The following AAK1 variants were observed in gnomAD, a reference collection of about 807,000 sequenced individuals.
AAK1 encodes the protein AP2-associated protein kinase 1.
AAK1 carries 37 observed loss-of-function variants against 116.0 expected under a neutral mutation model. The ratio of observed to expected loss-of-function variants is 0.32; its 90% confidence interval spans 0.25 to 0.42. The LOEUF (loss-of-function observed/expected upper bound fraction) is 0.42, where lower values mean the gene tolerates loss of function less well. Ranked by LOEUF, AAK1 falls within the 10% of genes least tolerant of loss-of-function variation. The pLI, the probability that AAK1 is intolerant of heterozygous loss-of-function variation, is 1.00. For missense variants in AAK1, 919 were observed against 1,170.6 expected (o/e 0.79, Z 3.14); for synonymous variants, 458 against 439.9 (o/e 1.04, Z -0.51).
chr2:69,556,352 T>C (rs1461701210), intron 3 of AAK1, among the ~76,000 whole-genome samples: 2 of 152,196 alleles, frequency 1.3e-5, no homozygotes, highest in African/African-American at 2.4e-5. Context: ...ATGAGGTTTC[T>C]AGGTTTTGGT....
intron 16 of AAK1, among the ~76,000 whole-genome samples, chr2:69,501,967 T>A (rs747727546): frequency 6.6e-6 from 1 of 151,440 alleles, no homozygotes; most frequent in African/African-American, 2.4e-5. Flanking sequence ...CGAGACACCA[T>A]CTCACACAAA....
Position 69,472,947 on chromosome 2 carries a change from T to C in AAK1, c.*2922A>G. On this transcript the variant is annotated 3_prime_UTR_variant, in exon 22 of 22. Coordinates refer to ENST00000409085, the MANE Select transcript of AAK1 (RefSeq NM_014911.5). Reference sequence around the variant, plus strand: ...TTAGTAAAAGCCCATTATAATTCTTTAAAATGTAAACACTGCTACCGTAAT... The same window carrying C: ...TTAGTAAAAGCCCATTATAATTCTTCAAAATGTAAACACTGCTACCGTAAT... The C allele has an allele frequency of 1.0e-6, 1 of 985,640 alleles. No homozygotes were observed. Among genetic ancestry groups the C allele is most frequent in the African/African-American group, 1.7e-5 (1 of 57,362 alleles). The allele number at this position is 985,640 out of a possible 1,614,324, so 61.1% of individuals were successfully genotyped here. A position where few individuals can be genotyped will look rare whatever the true frequency, so the allele number is the denominator to read the frequency against.
chr2:69,548,104 C>T (rs1204230991), intron 3 of AAK1, among the ~76,000 whole-genome samples: 2 of 152,098 alleles, frequency 1.3e-5, no homozygotes, highest in Middle Eastern at 3.2e-3. Flanking sequence ...TAAGGAAAGA[C>T]TGCTAACAGG....
intron 2 of AAK1, among the ~76,000 whole-genome samples, chr2:69,578,419 C>T (rs1672403112): frequency 6.6e-6 from 1 of 152,196 alleles, no homozygotes; most frequent in African/African-American, 2.4e-5. Flanking sequence ...CAATGAGATC[C>T]TGCTTGCAGG....
intron 17 of AAK1, among the ~76,000 whole-genome samples, chr2:69,495,573 C>T (rs1675705083): frequency 1.3e-5 from 2 of 152,132 alleles, no homozygotes; most frequent in Non-Finnish European, 2.9e-5. Flanking sequence ...AACTGAACAG[C>T]AGTCACCCAC....
At chr2:69,496,710 A>G (rs186302073) in intron 16 of AAK1, among the ~76,000 whole-genome samples, 97 of 152,292 alleles carry the variant, frequency 6.4e-4, no homozygotes, top group Non-Finnish European at 1.3e-3. Context: ...TCCATATCAC[A>G]CATTTTAGCA....
chr2:69,465,205 T>C lies in AAK1; in HGVS notation c.*10664A>G. On this transcript the variant is annotated 3_prime_UTR_variant, in exon 22 of 22. Coordinates refer to ENST00000409085, the MANE Select transcript of AAK1 (RefSeq NM_014911.5). ...ATGCCTCCAAGTCCAGAAATCAATATAAACAAACAAACAAACAAACAAAAA... is the reference window on the plus strand; with the variant it reads ...ATGCCTCCAAGTCCAGAAATCAATACAAACAAACAAACAAACAAACAAAAA... 1 of 340,138 alleles carries C rather than the reference T, an allele frequency of 2.9e-6. No individual in the cohort carries two copies. The highest frequency in any genetic ancestry group is 5.2e-6 in the Non-Finnish European group (1 of 190,640). The allele number at this position is 340,138 out of a possible 1,614,324, so 21.1% of individuals were successfully genotyped here. A position where few individuals can be genotyped will look rare whatever the true frequency, so the allele number is the denominator to read the frequency against.
intron 5 of AAK1, among the ~76,000 whole-genome samples, chr2:69,533,026 G>A (rs1051535663): frequency 3.3e-5 from 5 of 152,074 alleles, no homozygotes; most frequent in African/African-American, 4.8e-5. Flanking sequence ...CTAGTATGCC[G>A]GAGGACAGAC....
rs766148578 is a variant in AAK1, at chr2:69,520,817, C to T, written c.1210+17G>A. The T allele has an allele frequency of 1.1e-5, 17 of 1,530,212 alleles. No individual in the cohort carries two copies. Among genetic ancestry groups the T allele is most frequent in the Non-Finnish European group, 1.5e-5 (17 of 1,145,026 alleles). 94.8% of individuals were successfully genotyped at this position (1,530,212 alleles called of 1,614,324 possible). The stretch of plus-strand genomic sequence containing the variant: ...ACAAAGAGGTGTATTGAGTTTCAAA[C>T]CAATCTAGATACAAACCTGCAGCCT... On this transcript the variant is annotated intron_variant, in intron 11 of 21. Coordinates refer to ENST00000409085, the MANE Select transcript of AAK1 (RefSeq NM_014911.5).
chr2:69,505,464 G>A, intron 16 of AAK1, 105 bp downstream of exon 16: 1 of 746,290 alleles, frequency 1.3e-6, no homozygotes, highest in Non-Finnish European at 2.2e-6. Flanking sequence ...ACACGGTACT[G>A]CCAGGATTTG....
Position 69,482,642 on chromosome 2 carries a change from G to T in AAK1, c.2467+69C>A, listed in dbSNP as rs10211601. 67 of 1,295,568 alleles carry T rather than the reference G, an allele frequency of 5.2e-5. No homozygotes were observed. The East Asian group carries it at 1.5e-3, about 30-fold the overall frequency. 80.3% of individuals were successfully genotyped at this position (1,295,568 alleles called of 1,614,324 possible). A position where few individuals can be genotyped will look rare whatever the true frequency, so the allele number is the denominator to read the frequency against. On this transcript the variant is annotated intron_variant, in intron 18 of 21. Transcript: ENST00000409085. ...CTATTCCCCAGGGATTGGTTAACTA[G>T]GTACTTGTCATTCTTGAAACAGGCA... is the stretch of plus-strand genomic sequence containing the variant.
intron 2 of AAK1, among the ~76,000 whole-genome samples, chr2:69,561,903 C>T (rs527623772): frequency 6.6e-6 from 1 of 152,196 alleles, no homozygotes; most frequent in Non-Finnish European, 1.5e-5. Context: ...TCATCTTCAT[C>T]GTTCCATGTA....
At chr2:69,531,498 G>A in intron 6 of AAK1, 1 of 817,086 alleles carries the variant, frequency 1.2e-6, no homozygotes, top group Non-Finnish European at 1.5e-6. Context: ...TGGACATGAG[G>A]AGAAAATGGG....
At chr2:69,614,732 G>A (rs1057390381) in intron 2 of AAK1, among the ~76,000 whole-genome samples, 1 of 152,058 alleles carries the variant, frequency 6.6e-6, no homozygotes, top group African/African-American at 2.4e-5. Context: ...TCAAGATGGG[G>A]GTCATCCTGG....
chr2:69,521,853 A>C (rs1669799323), intron 10 of AAK1, among the ~76,000 whole-genome samples: 1 of 152,172 alleles, frequency 6.6e-6, no homozygotes, highest in Non-Finnish European at 1.5e-5. Flanking sequence ...CCATAGCTAC[A>C]CTGTAGGAAT....
rs1674575182 is a variant in AAK1 at position 69,468,726 on chromosome 2, T to C, written c.*7143A>G. The C allele has an allele frequency of 4.1e-6, 4 of 985,280 alleles. No individual in the cohort carries two copies. Among genetic ancestry groups the C allele is most frequent in the African/African-American group, 1.7e-5 (1 of 57,224 alleles). 61.0% of individuals were successfully genotyped at this position (985,280 alleles called of 1,614,324 possible). On this transcript the variant is annotated 3_prime_UTR_variant, in exon 22 of 22. Transcript: ENST00000409085. ...AGCTATCTATTGAACCAGGGGCACT[T>C]TGGATGCCTGAAGTGCTAGATTACA...
chr2:69,568,558 G>A (rs974367043), intron 2 of AAK1, among the ~76,000 whole-genome samples: 1 of 150,986 alleles, frequency 6.6e-6, no homozygotes, highest in Admixed American at 6.7e-5. Context: ...AGCTTCCCAA[G>A]TGGCTGAGAC....
In AAK1 at chr2:69,609,831, C is replaced by T. The variant is rs368621702; in HGVS notation, c.163+33047G>A. ...TTAGGAGGCCGAGGTGGGTGGATCA[C>T]GAGGTCAGGAGATCGAGACCATCCT... On this transcript the variant is annotated intron_variant, in intron 2 of 21. Transcript: ENST00000409085. 5.5e-4 allele frequency among the ~76,000 whole-genome samples: 83 copies of T among 151,974 alleles called. 7 individuals carry two copies. The highest frequency in any genetic ancestry group is 3.3e-3 in the East Asian group (17 of 5,174).
At position 69,507,563 on chromosome 2, in the gene AAK1, A is replaced by AG; in HGVS notation, c.2021dup (p.Pro675SerfsTer14). On this transcript the variant is annotated frameshift_variant, in exon 15 of 22. Coordinates refer to ENST00000409085, the MANE Select transcript of AAK1 (RefSeq NM_014911.5). LOFTEE classifies it high-confidence loss of function. ...GAGAGGTCCGAGGAGAGCCTGATGG[A>AG]GTGGTGGTTGCAGACCTAGGTAGGT... 1 of 1,610,802 alleles carries AG rather than the reference A, an allele frequency of 6.2e-7. No individual in the cohort carries two copies. Among genetic ancestry groups the AG allele is most frequent in the Non-Finnish European group, 8.5e-7 (1 of 1,178,356 alleles).
Sources: allele counts gnomAD v4.1 joint callset (sites outside exome capture counted in the v4.1 genomes callset), GRCh38; gene constraint gnomAD v4.1.1; transcripts MANE v1.5; gene names NCBI Gene and HGNC (gene_info 2026-07-23, HGNC 2026-07-21).